TTLL10: variants seen among roughly 807,000 people sequenced by gnomAD.
TTLL10 encodes the protein tubulin tyrosine ligase like 10.
A neutral mutation model predicts 69.0 loss-of-function variants in TTLL10; 61 were observed. The ratio of observed to expected loss-of-function variants is 0.88; its 90% CI spans 0.72 to 1.09. The LOEUF is 1.09. Ranked by LOEUF, TTLL10 falls within the 50% of genes least tolerant of loss-of-function variation. The probability of loss-of-function intolerance (pLI) is 0.00; values close to 1 mark genes in which losing one functional copy is unlikely to be tolerated. For synonymous variants in TTLL10, 408 were observed against 393.3 expected (o/e 1.04, Z -0.44); for missense variants, 962 against 945.9 (o/e 1.02, Z -0.22).
chr1:1,176,929 T>C (rs9724957), intron 3 of TTLL10, among the ~76,000 whole-genome samples: 41,564 of 152,094 alleles, frequency 0.27, 6,614 homozygotes, highest in East Asian at 0.7. Flanking sequence ...CCTGTCTCCA[T>C]CACCCCAGCC....
chr1:1,195,797 G>A (rs969307763), intron 13 of TTLL10, among the ~76,000 whole-genome samples: 4 of 151,588 alleles, frequency 2.6e-5, no homozygotes, highest in South Asian at 2.1e-4. Context: ...ACACCACCAC[G>A]CTTAGCTAAT....
intron 3 of TTLL10, chr1:1,174,991 C>A (rs1646831045): frequency 6.6e-6 from 1 of 152,532 alleles, no homozygotes; most frequent in Non-Finnish European, 1.5e-5. Flanking sequence ...CAGCAGGCGC[C>A]TGTAATCCCA....
chr1:1,182,288 C>CTGGG, intron 9 of TTLL10, 73 bp from the exon 10 acceptor site: 1 of 1,353,826 alleles, frequency 7.4e-7, no homozygotes. Context: ...GGGCCACAGG[C>CTGGG]TGGGCCTCAA....
Position 1,185,441 on chromosome 1 carries a change from C to T in TTLL10, c.1401+332C>T, listed in dbSNP as rs3813205. 0.012 allele frequency: 13,312 copies of T among 1,121,192 alleles called. 231 individuals are homozygous for T. The East Asian group carries it at 0.12, about 10-fold the overall frequency. The allele number at this position is 1,121,192 out of a possible 1,614,324, so 69.5% of individuals were successfully genotyped here. Reference sequence around the variant, plus strand: ...GTCTTTGTTCCTTTCAGATCCTCCACTTGGCAGGCAGGGCCAACAGCAGCC... The same window carrying T: ...GTCTTTGTTCCTTTCAGATCCTCCATTTGGCAGGCAGGGCCAACAGCAGCC... On this transcript the variant is annotated intron_variant, in intron 13 of 15. Transcript: ENST00000379289. This position sits in a 1 kb window ranked among gnomAD's most constrained non-coding sequence, Gnocchi z 6.1.
chr1:1,182,289 TG>T, intron 9 of TTLL10, 71 bp from the exon 10 acceptor site: 1 of 1,369,792 alleles, frequency 7.3e-7, no homozygotes, highest in Non-Finnish European at 1.0e-6. Context: ...GGCCACAGGC[TG>T]GGCCTCAAAC....
intron 3 of TTLL10, chr1:1,176,354 G>A (rs372151990): frequency 1.1e-5 from 5 of 450,678 alleles, no homozygotes; most frequent in African/African-American, 6.0e-5. Flanking sequence ...AGAGGCTGAC[G>A]CTGTGCAGCT....
chr1:1,182,495 G>A (rs1557480015), intron 10 of TTLL10, 49 bp downstream of exon 10: 3 of 1,593,046 alleles, frequency 1.9e-6, no homozygotes, highest in Admixed American at 3.3e-5. Flanking sequence ...GAGACAGGGT[G>A]AGGGCTGGAC....
rs368642920 is a variant in TTLL10, at chr1:1,182,870, C to G, written c.917-6C>G. ...AGGCCAGGGGCTCAGGCCGCGCTCTCTGCAGAAACCCAGATATGGATCTGC... is the reference window on the plus strand; with the variant it reads ...AGGCCAGGGGCTCAGGCCGCGCTCTGTGCAGAAACCCAGATATGGATCTGC... On this transcript the variant is annotated splice_region_variant and splice_polypyrimidine_tract_variant and intron_variant, in intron 10 of 15. Transcript: ENST00000379289. 4.8e-4 allele frequency: 758 copies of G among 1,567,078 alleles called. 7 individuals are homozygous for G. The highest frequency in any genetic ancestry group is 1.0e-4 in the Non-Finnish European group (118 of 1,154,802).
chr1:1,185,413 A>G lies in TTLL10; in HGVS notation c.1401+304A>G. The G allele has an allele frequency of 8.0e-7, 1 of 1,251,866 alleles. No individual in the cohort carries two copies. The highest frequency in any genetic ancestry group is 1.0e-6 in the Non-Finnish European group (1 of 994,862). The allele number at this position is 1,251,866 out of a possible 1,614,324, so 77.5% of individuals were successfully genotyped here. The stretch of plus-strand genomic sequence containing the variant: ...GGCTTCAGTGACAGCCACCATGTGA[A>G]GAGTCTTTGTTCCTTTCAGATCCTC... On this transcript the variant is annotated intron_variant, in intron 13 of 15. Transcript: ENST00000379289. The surrounding 1 kb of genome is among the most constrained non-coding windows in gnomAD (Gnocchi z 6.1).
chr1:1,195,257 C>G (rs1648113841), intron 13 of TTLL10, among the ~76,000 whole-genome samples: 1 of 152,216 alleles, frequency 6.6e-6, no homozygotes, highest in South Asian at 2.1e-4. Flanking sequence ...TCCCAAAGTG[C>G]TGGGATTACA....
chr1:1,194,767 AGGT>A (rs748021701), intron 13 of TTLL10, among the ~76,000 whole-genome samples: 5 of 152,140 alleles, frequency 3.3e-5, no homozygotes, highest in African/African-American at 7.2e-5. Flanking sequence ...TTTGCTGATG[AGGT>A]GGTGGATCTC....
At chr1:1,182,555 G>T in intron 10 of TTLL10, 109 bp downstream of exon 10, 1 of 1,188,538 alleles carries the variant, frequency 8.4e-7, no homozygotes, top group East Asian at 2.4e-5. Context: ...GGCTGCGTGG[G>T]GCTGGGACGA....
At chr1:1,179,077 G>A (rs901761250) in intron 3 of TTLL10, 112 bp from the exon 4 acceptor site, 9 of 698,098 alleles carry the variant, frequency 1.3e-5, no homozygotes, top group African/African-American at 7.4e-5. Flanking sequence ...ACGGCCCTGG[G>A]AGGCGCCCTT....
rs1647163031 is a variant in TTLL10, at chr1:1,183,980, C to T, written c.1149C>T (p.Leu383=). ...GRKFDVRSYL[L]IACTTPYMIF... Reference sequence around the variant, plus strand: ...AGTTTGACGTGCGCTCCTACCTGCTCATTGCCTGCACCACACCCTACATGA... The same window carrying T: ...AGTTTGACGTGCGCTCCTACCTGCTTATTGCCTGCACCACACCCTACATGA... The change falls in exon 12 of 16, where the codon CTC becomes CTT. Residue 383 remains leucine, a synonymous_variant. Transcript: ENST00000379289. The T allele has an allele frequency of 3.1e-6, 5 of 1,614,240 alleles. No individual in the cohort carries two copies. The highest frequency in any genetic ancestry group is 1.1e-5 in the South Asian group (1 of 91,090).
chr1:1,196,784 G>A (rs1648244682), intron 14 of TTLL10, 68 bp downstream of exon 14: 6 of 1,146,278 alleles, frequency 5.2e-6, no homozygotes, highest in Non-Finnish European at 6.4e-6. Context: ...TGTACACCCT[G>A]ACCACACTGG....
rs1476368539 is a variant in TTLL10, at chr1:1,181,575, G to A, written c.756-166G>A. ...GTCCAGCGTCCACTTCCAGCCTAGAGCAACACAGCTGTTTCCCCCAGGCAC... is the reference window on the plus strand; with the variant it reads ...GTCCAGCGTCCACTTCCAGCCTAGAACAACACAGCTGTTTCCCCCAGGCAC... On this transcript the variant is annotated intron_variant, in intron 8 of 15. Coordinates refer to ENST00000379289, the MANE Select transcript of TTLL10 (RefSeq NM_001130045.2). This position sits in a 1 kb window ranked among gnomAD's most constrained non-coding sequence, Gnocchi z 4.6. 6.6e-6 allele frequency among the ~76,000 whole-genome samples: 1 copy of A among 152,066 alleles called. No homozygotes were observed. Among genetic ancestry groups the A allele is most frequent in the Non-Finnish European group, 1.5e-5 (1 of 68,004 alleles).
intron 14 of TTLL10, 71 bp from the exon 15 acceptor site, chr1:1,197,022 G>A: frequency 3.6e-6 from 5 of 1,401,870 alleles, no homozygotes; most frequent in Middle Eastern, 1.8e-4. Flanking sequence ...TCTGAATGAG[G>A]ACCAGGGCCT....
chr1:1,179,374 G>T, intron 4 of TTLL10, 41 bp downstream of exon 4: 3 of 1,524,868 alleles, frequency 2.0e-6, no homozygotes, highest in Non-Finnish European at 2.7e-6. Flanking sequence ...CCTCTCCAAG[G>T]CCAAGGCCTC....
rs745749619 is a variant in TTLL10 at position 1,181,926 on chromosome 1, G to A, written c.830+111G>A. On this transcript the variant is annotated intron_variant, in intron 9 of 15. Coordinates refer to ENST00000379289, the MANE Select transcript of TTLL10 (RefSeq NM_001130045.2). This position sits in a 1 kb window ranked among gnomAD's most constrained non-coding sequence, Gnocchi z 4.6. The stretch of plus-strand genomic sequence containing the variant: ...GGGGTCCCACACAAAGGAAAACCAC[G>A]AGCTAGAGTCAGAGGTTCAGCCAGG... 5.7e-5 allele frequency: 58 copies of A among 1,024,986 alleles called. No individual in the cohort carries two copies. The highest frequency in any genetic ancestry group is 2.2e-4 in the African/African-American group (14 of 62,642). 63.5% of individuals were successfully genotyped at this position (1,024,986 alleles called of 1,614,324 possible).
Sources: gnomAD v4.1 joint callset for allele counts (sites outside exome capture counted in the v4.1 genomes callset) on GRCh38, gnomAD v4.1.1 for gene constraint, Gnocchi (gnomAD v3.1) non-coding constraint, MANE v1.5 for transcripts, NCBI Gene and HGNC (gene_info 2026-07-23, HGNC 2026-07-21) for gene names.